The following DOK1 variants were observed in gnomAD, a reference collection of about 807,000 sequenced individuals.
The protein encoded by DOK1 is Downstream of tyrosine kinase 1.
A neutral mutation model predicts 24.0 loss-of-function variants in DOK1; 12 were observed. The observed-to-expected ratio is 0.50, with a 90% CI of 0.32 to 0.81. DOK1 has a LOEUF of 0.81. DOK1 is among the 30% of genes least tolerant of loss of function. The pLI, the probability that DOK1 is intolerant of heterozygous loss-of-function variation, is 0.03. For missense variants in DOK1, 591 were observed against 620.7 expected (o/e 0.95, Z 0.51); for synonymous variants, 250 against 260.9 (o/e 0.96, Z 0.40).
At position 74,556,957 on chromosome 2, in the gene DOK1, T is replaced by A; in HGVS notation, c.1289T>A (p.Phe430Tyr). 1 of 1,614,112 alleles carries A rather than the reference T, an allele frequency of 6.2e-7. No homozygotes were observed. The highest frequency in any genetic ancestry group is 8.5e-7 in the Non-Finnish European group (1 of 1,179,984). ...LLAPKPQGPA[F>Y]PEPGTATGSG... The stretch of plus-strand genomic sequence containing the variant: ...GCTCCCAAGCCCCAGGGCCCAGCCT[T>A]CCCTGAACCTGGTACTGCAACTGGC... Residue 430 changes from phenylalanine to tyrosine, a missense_variant, in exon 5 of 5, where the codon TTC becomes TAC. Coordinates refer to ENST00000233668, the MANE Select transcript of DOK1 (RefSeq NM_001381.5). This position sits in a 1 kb window ranked among gnomAD's most constrained non-coding sequence, Gnocchi z 4.1.
chr2:74,551,905 G>C (rs1677041270), upstream of DOK1, among the ~76,000 whole-genome samples: 1 of 152,270 alleles, frequency 6.6e-6, no homozygotes, highest in African/African-American at 2.4e-5. Context: ...CCCATAACCT[G>C]ATTTTGTTAG....
upstream of DOK1, chr2:74,552,602 G>A (rs1334047692): frequency 6.3e-7 from 1 of 1,587,052 alleles, no homozygotes; most frequent in South Asian, 1.1e-5. Context: ...GCAGCCCCCA[G>A]GGGCTCCACT....
rs767933704 is a variant in DOK1 at position 74,557,369 on chromosome 2, C to T, written c.*255C>T. The T allele has an allele frequency of 5.1e-5, 23 of 449,504 alleles. No individual in the cohort carries two copies. Among genetic ancestry groups the T allele is most frequent in the Admixed American group, 2.2e-4 (6 of 27,568 alleles). The allele number at this position is 449,504 out of a possible 1,614,324, so 27.8% of individuals were successfully genotyped here. On this transcript the variant is annotated 3_prime_UTR_variant, in exon 5 of 5. Transcript: ENST00000233668. ...TTCCCTACTTCCCCAAATGAAGGGA[C>T]GGCTGTGGGACCAGGTCTGTGGAAA...
Position 74,555,073 on chromosome 2 carries a change from G to A in DOK1, c.61-81G>A. The A allele has an allele frequency of 6.6e-7, 1 of 1,506,232 alleles. No homozygotes were observed. The highest frequency in any genetic ancestry group is 8.9e-7 in the Non-Finnish European group (1 of 1,125,800). 93.3% of individuals were successfully genotyped at this position (1,506,232 alleles called of 1,614,324 possible). A position where few individuals can be genotyped will look rare whatever the true frequency, so the allele number is the denominator to read the frequency against. ...GAAGCCCCAGATCCCAAATCGACTT[G>A]CGCCGCAACCTCCTTCCCCGTCGGG... is the stretch of plus-strand genomic sequence containing the variant. On this transcript the variant is annotated intron_variant, in intron 1 of 4. Transcript: ENST00000233668. This position sits in a 1 kb window ranked among gnomAD's most constrained non-coding sequence, Gnocchi z 6.1.
chr2:74,556,966 C>T lies in DOK1; in HGVS notation c.1298C>T (p.Pro433Leu). The change falls in exon 5 of 5, where the codon CCT (proline) becomes CTT (leucine). Residue 433 changes from proline to leucine, a missense_variant. Transcript: ENST00000233668. This position sits in a 1 kb window ranked among gnomAD's most constrained non-coding sequence, Gnocchi z 4.1. ...PKPQGPAFPEPGTATGSGIKS... is the reference protein window; with the variant it reads ...PKPQGPAFPELGTATGSGIKS... ...CCCCAGGGCCCAGCCTTCCCTGAAC[C>T]TGGTACTGCAACTGGCAGTGGCATC... 6.2e-7 allele frequency: 1 copy of T among 1,614,220 alleles called. No individual in the cohort carries two copies. Among genetic ancestry groups the T allele is most frequent in the Non-Finnish European group, 8.5e-7 (1 of 1,180,038 alleles).
Position 74,555,603 on chromosome 2 carries a change from A to G in DOK1, c.389A>G (p.Asp130Gly), listed in dbSNP as rs749957250. 2 of 1,614,158 alleles carry G rather than the reference A, an allele frequency of 1.2e-6. No individual in the cohort carries two copies. Among genetic ancestry groups the G allele is most frequent in the South Asian group, 1.1e-5 (1 of 91,084 alleles). Residue 130 changes from aspartate to glycine, a missense_variant, in exon 3 of 5, where the codon GAT becomes GGT. By Grantham distance (94) the Asp-to-Gly change is moderately conservative. Coordinates refer to ENST00000233668, the MANE Select transcript of DOK1 (RefSeq NM_001381.5). This position sits in a 1 kb window ranked among gnomAD's most constrained non-coding sequence, Gnocchi z 6.1. ...PKGSWTLAPT[D>G]NPPKLSALEM... The stretch of plus-strand genomic sequence containing the variant: ...GGCAGCTGGACTCTGGCGCCTACCG[A>G]TAACCCACCTAAGCTTTCTGCCCTG...
chr2:74,550,656 T>C (rs1423904713), upstream of DOK1, among the ~76,000 whole-genome samples: 1 of 152,210 alleles, frequency 6.6e-6, no homozygotes, highest in Non-Finnish European at 1.5e-5. Flanking sequence ...ATTAATCAGG[T>C]ACCTACTGTG....
In DOK1 at chr2:74,555,815, C is replaced by G. The variant is rs1677410326; in HGVS notation, c.455-79C>G. Reference sequence around the variant, plus strand: ...TGGCTTCCGAGTGAGTGCTTGGACACTATGCTCATGAGTCCTCTGGGTCCC... The same window carrying G: ...TGGCTTCCGAGTGAGTGCTTGGACAGTATGCTCATGAGTCCTCTGGGTCCC... On this transcript the variant is annotated intron_variant, in intron 3 of 4. Transcript: ENST00000233668. The surrounding 1 kb of genome is among the most constrained non-coding windows in gnomAD (Gnocchi z 6.1). The G allele has an allele frequency of 6.3e-7, 1 of 1,583,120 alleles. No individual in the cohort carries two copies. The highest frequency in any genetic ancestry group is 1.3e-5 in the African/African-American group (1 of 74,098).
In DOK1 at chr2:74,555,710, AG is replaced by A. The variant is rs1558636306; in HGVS notation, c.454+44del. The A allele has an allele frequency of 6.2e-7, 1 of 1,612,054 alleles. No homozygotes were observed. The highest frequency in any genetic ancestry group is 8.5e-7 in the Non-Finnish European group (1 of 1,179,332). On this transcript the variant is annotated intron_variant, in intron 3 of 4. Coordinates refer to ENST00000233668, the MANE Select transcript of DOK1 (RefSeq NM_001381.5). This position sits in a 1 kb window ranked among gnomAD's most constrained non-coding sequence, Gnocchi z 6.1. The stretch of plus-strand genomic sequence containing the variant: ...CCCGGGCAGGGATGGAGTGAAGAGG[AG>A]GAGGGCCGAGGGCCTTTGGGAAGTG...
rs186373236 is a variant in DOK1, at chr2:74,555,254, G to A, written c.161G>A (p.Arg54Gln). The A allele has an allele frequency of 6.1e-5, 98 of 1,613,992 alleles. No individual in the cohort carries two copies. The East Asian group carries it at 1.4e-3, about 23-fold the overall frequency. The change falls in exon 2 of 5, where the codon CGA becomes CAA. Residue 54 changes from arginine (R) to glutamine (Q), a missense_variant. Coordinates refer to ENST00000233668, the MANE Select transcript of DOK1 (RefSeq NM_001381.5). This position sits in a 1 kb window ranked among gnomAD's most constrained non-coding sequence, Gnocchi z 6.1. ...AAGGGGTCGAGCTCTGGGGGTGGCC[G>A]AGGGAGCTCGCGCCGCCTGGACTGC... Reference protein sequence around the residue: ...DHKGSSSGGGRGSSRRLDCKV... With the variant: ...DHKGSSSGGGQGSSRRLDCKV...
At chr2:74,554,692 C>T, upstream of DOK1, 1 of 1,546,300 alleles carries the variant, frequency 6.5e-7, no homozygotes, top group Non-Finnish European at 8.8e-7. This position sits in a 1 kb window ranked among gnomAD's most constrained non-coding sequence, Gnocchi z 4.9. Context: ...GGGAACCCGG[C>T]CCCGCCTCCC....
chr2:74,549,436 T>C lies in DOK1; in HGVS notation c.-358+264T>C. ...AGCATCCCGCAGACCACGTGGCTGT[T>C]GTGGGCGCTCCAGCCTTTGTCGCAC... On this transcript the variant is annotated intron_variant, in intron 1 of 4. Transcript: ENST00000409429. This position sits in a 1 kb window ranked among gnomAD's most constrained non-coding sequence, Gnocchi z 5.3. The C allele has an allele frequency of 6.2e-7, 1 of 1,613,290 alleles. No homozygotes were observed.
chr2:74,549,882 A>T, upstream of DOK1: 1 of 985,476 alleles, frequency 1.0e-6, no homozygotes, highest in Non-Finnish European at 1.2e-6. This position sits in a 1 kb window ranked among gnomAD's most constrained non-coding sequence, Gnocchi z 5.3. Context: ...AGGAGGAGAA[A>T]GTCAGAAGGA....
At chr2:74,553,709 A>G (rs549056384), upstream of DOK1, among the ~76,000 whole-genome samples, 12 of 152,222 alleles carry the variant, frequency 7.9e-5, no homozygotes, top group East Asian at 2.1e-3. Flanking sequence ...CGCCTCCGGT[A>G]TGTGCCTCCT....
rs1418471254 is a variant in DOK1, at chr2:74,556,650, G to C, written c.982G>C (p.Glu328Gln). ...PLDSTSAQAG[E>Q]GVQRKKPLYW... Reference sequence around the variant, plus strand: ...GGACAGCACGTCTGCTCAGGCAGGAGAGGGAGTACAACGGAAGAAACCTCT... The same window carrying C: ...GGACAGCACGTCTGCTCAGGCAGGACAGGGAGTACAACGGAAGAAACCTCT... The change falls in exon 5 of 5, where the codon GAG becomes CAG. Residue 328 changes from glutamate to glutamine, a missense_variant. Glu to Gln is a conservative substitution (Grantham distance 29, BLOSUM62 2). Coordinates refer to ENST00000233668, the MANE Select transcript of DOK1 (RefSeq NM_001381.5). This position sits in a 1 kb window ranked among gnomAD's most constrained non-coding sequence, Gnocchi z 4.1. The C allele has an allele frequency of 3.7e-6, 6 of 1,614,260 alleles. No homozygotes were observed. The highest frequency in any genetic ancestry group is 4.2e-6 in the Non-Finnish European group (5 of 1,180,050).
chr2:74,552,071 G>A (rs894173906), upstream of DOK1, among the ~76,000 whole-genome samples: 2 of 152,250 alleles, frequency 1.3e-5, no homozygotes, highest in Non-Finnish European at 2.9e-5. Context: ...TTTTGCAGCA[G>A]AAAAGAACTT....
Position 74,556,468 on chromosome 2 carries a change from C to A in DOK1, c.800C>A (p.Ala267Asp). The A allele has an allele frequency of 6.2e-7, 1 of 1,614,232 alleles. No homozygotes were observed. Among genetic ancestry groups the A allele is most frequent in the East Asian group, 2.2e-5 (1 of 44,880 alleles). Residue 267 changes from alanine (A) to aspartate (D), a missense_variant, in exon 5 of 5, where the codon GCT (alanine) becomes GAT (aspartate). Transcript: ENST00000233668. This position sits in a 1 kb window ranked among gnomAD's most constrained non-coding sequence, Gnocchi z 4.1. ...KAGQGHDVLR[A>D]DSHEGEVAEG... ...GGACAGGGGCACGATGTTCTCAGAGCTGACTCCCATGAAGGGGAGGTGGCA... is the reference window on the plus strand; with the variant it reads ...GGACAGGGGCACGATGTTCTCAGAGATGACTCCCATGAAGGGGAGGTGGCA...
Position 74,556,328 on chromosome 2 carries a change from CG to C in DOK1, c.662del (p.Gly221AlafsTer80). 1 of 1,612,564 alleles carries C rather than the reference CG, an allele frequency of 6.2e-7. No individual in the cohort carries two copies. The highest frequency in any genetic ancestry group is 8.5e-7 in the Non-Finnish European group (1 of 1,179,276). On this transcript the variant is annotated frameshift_variant, in exon 5 of 5. Transcript: ENST00000233668. LOFTEE classifies it low-confidence loss of function (END_TRUNC). The surrounding 1 kb of genome is among the most constrained non-coding windows in gnomAD (Gnocchi z 4.1). Reference sequence around the variant, plus strand: ...CTTAGGTCATGTTCTCTTTCGAGGCCGGCCGCCGCTGCCCCTCAGGCCCTGG... The same window carrying C: ...CTTAGGTCATGTTCTCTTTCGAGGCCGCCGCCGCTGCCCCTCAGGCCCTGG... ...RDKVMFSFEA[G>X]RRCPSGPGTF... is the part of the protein sequence containing the mutation.
In DOK1 at chr2:74,555,096, G is replaced by T. The variant is rs1257065398; in HGVS notation, c.61-58G>T. ...TTGCGCCGCAACCTCCTTCCCCGTCGGGACCCGGGCCGCCTGCGCACGCCA... is the reference window on the plus strand; with the variant it reads ...TTGCGCCGCAACCTCCTTCCCCGTCTGGACCCGGGCCGCCTGCGCACGCCA... On this transcript the variant is annotated intron_variant, in intron 1 of 4. Coordinates refer to ENST00000233668, the MANE Select transcript of DOK1 (RefSeq NM_001381.5). This position sits in a 1 kb window ranked among gnomAD's most constrained non-coding sequence, Gnocchi z 6.1. 6.4e-7 allele frequency: 1 copy of T among 1,550,884 alleles called. No individual in the cohort carries two copies. Among genetic ancestry groups the T allele is most frequent in the Non-Finnish European group, 8.7e-7 (1 of 1,149,334 alleles).
Sources: gnomAD v4.1 joint callset for allele counts (sites outside exome capture counted in the v4.1 genomes callset) on GRCh38, gnomAD v4.1.1 for gene constraint, Gnocchi (gnomAD v3.1) non-coding constraint, MANE v1.5 for transcripts, NCBI Gene and HGNC (gene_info 2026-07-23, HGNC 2026-07-21) for gene names.